PTPRG: variants seen among roughly 807,000 people sequenced by gnomAD.
PTPRG encodes the protein receptor-type tyrosine-protein phosphatase gamma.
PTPRG carries 102 observed loss-of-function variants against 165.3 expected under a neutral mutation model. The ratio of observed to expected loss-of-function variants is 0.62; its 90% CI spans 0.53 to 0.73. The LOEUF is 0.73. PTPRG is among the 30% of genes least tolerant of loss of function. The pLI is 0.00. For synonymous variants in PTPRG, 675 were observed against 669.5 expected, an observed-to-expected ratio of 1.01 and a Z score of -0.13; for missense variants, 1,866 against 1,861.4, an observed-to-expected ratio of 1.00 and a Z score of -0.05.
chr3:61,603,506 TTTTCTTTATAAA>T (rs1229746835), intron 1 of PTPRG, among the ~76,000 whole-genome samples: 5 of 152,212 alleles, frequency 3.3e-5, no homozygotes, highest in African/African-American at 1.2e-4. Context: ...CTGTGAGCTC[TTTTCTTTATAAA>T]TTACCCAGTC....
chr3:62,067,382 C>T (rs1219303744), intron 4 of PTPRG, among the ~76,000 whole-genome samples: 1 of 151,776 alleles, frequency 6.6e-6, no homozygotes, highest in African/African-American at 2.4e-5. Flanking sequence ...CCTGCTAGAT[C>T]AGTGGTCCCC....
In PTPRG at chr3:62,126,750, C is replaced by T. The variant is rs923371564; in HGVS notation, c.616-5852C>T. 1.5e-4 allele frequency among the ~76,000 whole-genome samples: 23 copies of T among 152,212 alleles called. 1 individual carries two copies. Among genetic ancestry groups the T allele is most frequent in the Admixed American group, 7.9e-4 (12 of 15,286 alleles). ...TCCACACTTGGTTACTCATCTTTAT[C>T]GGGATTTCATGAAAAGTCCTACAGG... On this transcript the variant is annotated intron_variant, in intron 5 of 29. Transcript: ENST00000474889.
intron 4 of PTPRG, among the ~76,000 whole-genome samples, chr3:62,065,851 C>T (rs1700994529): frequency 6.6e-6 from 1 of 152,176 alleles, no homozygotes; most frequent in Non-Finnish European, 1.5e-5. Flanking sequence ...CCCAGCTAAC[C>T]TTAAAAATAC....
intron 4 of PTPRG, among the ~76,000 whole-genome samples, chr3:62,034,455 A>G (rs113007713): frequency 5.9e-5 from 9 of 152,362 alleles, no homozygotes; most frequent in African/African-American, 1.7e-4. Flanking sequence ...GATGCAGTTC[A>G]GAACTTGCGT....
intron 1 of PTPRG, among the ~76,000 whole-genome samples, chr3:61,668,373 A>T (rs753562612): frequency 6.6e-6 from 1 of 152,162 alleles, no homozygotes; most frequent in Non-Finnish European, 1.5e-5. Context: ...AGAGTGTGTG[A>T]ACTCTCTATA....
chr3:61,790,124 C>T (rs945474002), intron 2 of PTPRG, among the ~76,000 whole-genome samples: 5 of 152,124 alleles, frequency 3.3e-5, no homozygotes, highest in South Asian at 2.1e-4. Flanking sequence ...ATCACTTAGC[C>T]GTGTCTGTCA....
At chr3:61,764,002 A>G (rs2033937645) in intron 2 of PTPRG, among the ~76,000 whole-genome samples, 1 of 152,178 alleles carries the variant, frequency 6.6e-6, no homozygotes, top group Non-Finnish European at 1.5e-5. Context: ...TATTGCACAG[A>G]TATGAAACAT....
chr3:61,936,083 T>C (rs1396194405), intron 2 of PTPRG, among the ~76,000 whole-genome samples: 5 of 152,186 alleles, frequency 3.3e-5, no homozygotes, highest in Admixed American at 6.5e-5. Flanking sequence ...ACAGCGTTCC[T>C]CTTCTCTGGA....
At chr3:61,972,047 T>C (rs2040396743) in intron 2 of PTPRG, among the ~76,000 whole-genome samples, 1 of 152,234 alleles carries the variant, frequency 6.6e-6, no homozygotes, top group Admixed American at 6.5e-5. Flanking sequence ...AAATGTGTAC[T>C]GTATATTAGA....
intron 4 of PTPRG, among the ~76,000 whole-genome samples, chr3:62,012,689 C>G (rs565351008): frequency 1.3e-5 from 2 of 152,226 alleles, no homozygotes; most frequent in East Asian, 1.9e-4. Flanking sequence ...GAATTTCCCA[C>G]TTGTGGCATC....
intron 2 of PTPRG, among the ~76,000 whole-genome samples, chr3:61,911,831 G>A (rs1366589398): frequency 6.6e-6 from 1 of 152,132 alleles, no homozygotes; most frequent in African/African-American, 2.4e-5. Flanking sequence ...TGCCAGCAGT[G>A]TGTACCTGTT....
chr3:61,659,038 C>CCTGCCA, intron 1 of PTPRG, among the ~76,000 whole-genome samples: 1 of 112,266 alleles, frequency 8.9e-6, no homozygotes, highest in East Asian at 2.8e-4. Flanking sequence ...GCTGTTTTCT[C>CCTGCCA]CTGCCCCTGC....
At position 62,153,748 on chromosome 3, in the gene PTPRG, C is replaced by T. The variant is rs566085131; in HGVS notation, c.683-3319C>T. Among the ~76,000 whole-genome samples, 17 of 152,310 alleles carry T rather than the reference C, an allele frequency of 1.1e-4. 1 individual carries two copies. In the South Asian group the frequency reaches 1.5e-3, roughly 13 times the overall value. On this transcript the variant is annotated intron_variant, in intron 6 of 29. Coordinates refer to ENST00000474889, the MANE Select transcript of PTPRG (RefSeq NM_002841.4). ...TTTATTGACTTATTTATAATCTTCA[C>T]TACTGCAGCCTAGGAAGGTTTCGTA...
At chr3:61,707,569 T>C (rs1199532245) in intron 1 of PTPRG, among the ~76,000 whole-genome samples, 1 of 152,218 alleles carries the variant, frequency 6.6e-6, no homozygotes, top group African/African-American at 2.4e-5. Flanking sequence ...CTTTGTATTC[T>C]GTTCAGGCCT....
At chr3:62,085,042 T>A (rs1701702531) in intron 5 of PTPRG, among the ~76,000 whole-genome samples, 2 of 152,090 alleles carry the variant, frequency 1.3e-5, no homozygotes, top group Non-Finnish European at 2.9e-5. Flanking sequence ...ACTACTAGAG[T>A]ATAAACTCTC....
intron 1 of PTPRG, among the ~76,000 whole-genome samples, chr3:61,649,410 G>A (rs991390268): frequency 2.6e-5 from 4 of 152,160 alleles, no homozygotes; most frequent in African/African-American, 9.7e-5. Flanking sequence ...CAGCTGTCTG[G>A]TGAGGGTTTT....
chr3:62,287,043 T>G (rs1702690349), intron 28 of PTPRG, among the ~76,000 whole-genome samples: 1 of 152,114 alleles, frequency 6.6e-6, no homozygotes, highest in African/African-American at 2.4e-5. Flanking sequence ...TATTTAACCG[T>G]GGCTAAATAC....
At chr3:61,663,937 G>A (rs1041833362) in intron 1 of PTPRG, among the ~76,000 whole-genome samples, 3 of 152,158 alleles carry the variant, frequency 2.0e-5, no homozygotes, top group East Asian at 1.9e-4. Flanking sequence ...GACAGGGCAC[G>A]GACTGGCTGT....
At chr3:61,584,591 A>G (rs1382655551) in intron 1 of PTPRG, among the ~76,000 whole-genome samples, 1 of 135,640 alleles carries the variant, frequency 7.4e-6, no homozygotes, top group Non-Finnish European at 1.6e-5. Context: ...TTTTTTTTCT[A>G]CTTTTTCTGT....
Sources: allele counts gnomAD v4.1 joint callset (sites outside exome capture counted in the v4.1 genomes callset), GRCh38; gene constraint gnomAD v4.1.1; transcripts MANE v1.5; gene names NCBI Gene and HGNC (gene_info 2026-07-23, HGNC 2026-07-21).